The following SCN7A variants were observed in gnomAD, a reference collection of about 807,000 sequenced individuals.
SCN7A encodes the protein sodium voltage-gated channel alpha subunit 7, also known as sodium channel protein type 7 subunit alpha.
SCN7A carries 138 observed loss-of-function variants against 155.2 expected under a neutral mutation model. The ratio of observed to expected loss-of-function variants is 0.89; its 90% CI spans 0.77 to 1.02. SCN7A has a LOEUF of 1.02. Ranked by LOEUF, SCN7A falls within the 50% of genes least tolerant of loss-of-function variation. The probability of loss-of-function intolerance (pLI) is 0.00; values close to 1 mark genes in which losing one functional copy is unlikely to be tolerated. For missense variants in SCN7A, 2,058 were observed against 1,986.6 expected (o/e 1.04, Z -0.68); for synonymous variants, 693 against 649.0 (o/e 1.07, Z -1.03).
chr2:166,408,654 C>A (rs773926666), intron 25 of SCN7A, among the ~76,000 whole-genome samples: 6 of 151,836 alleles, frequency 4.0e-5, no homozygotes, highest in Non-Finnish European at 5.9e-5. Flanking sequence ...AAGCTTCTTA[C>A]GGTTTTTTTC....
intron 7 of SCN7A, among the ~76,000 whole-genome samples, chr2:166,468,556 G>A (rs191390048): frequency 2.6e-5 from 4 of 152,110 alleles, no homozygotes; most frequent in Admixed American, 2.6e-4. Context: ...TGTAATATTT[G>A]CATTCTGTTT....
At chr2:166,410,497 T>C (rs982754230) in intron 23 of SCN7A, among the ~76,000 whole-genome samples, 173 bp from the exon 24 acceptor site, 1 of 152,022 alleles carries the variant, frequency 6.6e-6, no homozygotes, top group African/African-American at 2.4e-5. Context: ...CAAAAATCCA[T>C]AAAAAGCACA....
chr2:166,467,708 C>T (rs920292522), intron 7 of SCN7A, among the ~76,000 whole-genome samples: 4 of 151,594 alleles, frequency 2.6e-5, no homozygotes, highest in African/African-American at 9.7e-5. Flanking sequence ...CAATTTCGAT[C>T]TTAATTTTCT....
rs780426768 is a variant in SCN7A, at chr2:166,409,896, G to A, written c.3751C>T (p.Gln1251Ter). Residue 1251 changes from glutamine to a stop codon, truncating the protein, a stop_gained, in exon 25 of 26, where the codon CAA becomes TAA. Coordinates refer to ENST00000643258, the MANE Select transcript of SCN7A (RefSeq NM_002976.4). LOFTEE classifies it high-confidence loss of function. ...QGFIFDVVTS[Q>*]AFNVIVMVLI... Reference sequence around the variant, plus strand: ...ACCATAACAATGACATTAAAAGCTTGGCTTGTTACCACATCAAAGATGAAT... The same window carrying A: ...ACCATAACAATGACATTAAAAGCTTAGCTTGTTACCACATCAAAGATGAAT... 2.5e-6 allele frequency: 4 copies of A among 1,569,250 alleles called. No homozygotes were observed. The highest frequency in any genetic ancestry group is 2.7e-5 in the African/African-American group (2 of 73,766).
At chr2:166,447,284 A>G (rs1419341103) in intron 12 of SCN7A, among the ~76,000 whole-genome samples, 1 of 152,202 alleles carries the variant, frequency 6.6e-6, no homozygotes, top group African/African-American at 2.4e-5. Context: ...TATTGGTTAC[A>G]CATAAAAATA....
chr2:166,459,895 A>G (rs1209102320), intron 10 of SCN7A, among the ~76,000 whole-genome samples: 3 of 152,154 alleles, frequency 2.0e-5, no homozygotes, highest in Admixed American at 6.5e-5. Context: ...CAAACACCAC[A>G]TATTCTCACT....
At chr2:166,461,043 ATTTTC>A (rs1362941288) in intron 10 of SCN7A, among the ~76,000 whole-genome samples, 5 of 112,330 alleles carry the variant, frequency 4.5e-5, no homozygotes, top group African/African-American at 1.7e-4. Context: ...CACTTGTAAT[ATTTTC>A]TTTTTTTTTT....
At chr2:166,418,006 A>G (rs899014597) in intron 20 of SCN7A, among the ~76,000 whole-genome samples, 7 of 151,826 alleles carry the variant, frequency 4.6e-5, no homozygotes, top group African/African-American at 1.7e-4. Context: ...TTGTATTCTT[A>G]TTACTCCACT....
intron 11 of SCN7A, among the ~76,000 whole-genome samples, chr2:166,448,123 C>T (rs1274587438): frequency 6.6e-6 from 1 of 152,052 alleles, no homozygotes; most frequent in Non-Finnish European, 1.5e-5. Context: ...CATACATACC[C>T]TTTGCAGGCT....
Position 166,432,648 on chromosome 2 carries a change from T to G in SCN7A, c.2262A>C (p.Arg754Ser). 1 of 1,610,460 alleles carries G rather than the reference T, an allele frequency of 6.2e-7. No homozygotes were observed. Among genetic ancestry groups the G allele is most frequent in the Non-Finnish European group, 8.5e-7 (1 of 1,178,976 alleles). ...GCACATAGTTTATTCCTTTTTTAAT[T>G]CTTGCCACTGCAAGCTGGAGATTTT... is the stretch of plus-strand genomic sequence containing the variant. ...EAKNLQLAVA[R>S]IKKGINYVLL... Residue 754 changes from arginine (R) to serine (S), a missense_variant, in exon 16 of 26, where the codon AGA (arginine) becomes AGC (serine). Coordinates refer to ENST00000643258, the MANE Select transcript of SCN7A (RefSeq NM_002976.4).
Position 166,407,803 on chromosome 2 carries a change from T to G in SCN7A, c.3983-1157A>C, listed in dbSNP as rs1260167089. Among the ~76,000 whole-genome samples the G allele has an allele frequency of 2.0e-5, 3 of 152,074 alleles. No individual in the cohort carries two copies. In the East Asian group the frequency reaches 5.8e-4, roughly 30 times the overall value. The stretch of plus-strand genomic sequence containing the variant: ...ACATGTGCAGAACATGCAGGTTTGT[T>G]ACACAGGTATACATGTGCCATGGTG... On this transcript the variant is annotated intron_variant, in intron 25 of 25. Transcript: ENST00000643258.
chr2:166,472,196 G>T, intron 6 of SCN7A, 121 bp downstream of exon 6: 10 of 891,724 alleles, frequency 1.1e-5, no homozygotes, highest in South Asian at 1.9e-5. Context: ...CCATAACTTT[G>T]AAGTATTCTT....
intron 7 of SCN7A, among the ~76,000 whole-genome samples, chr2:166,466,320 G>T (rs1174931678): frequency 6.6e-6 from 1 of 152,152 alleles, no homozygotes; most frequent in East Asian, 1.9e-4. Flanking sequence ...ATAAAGAAAA[G>T]TGTAAGGTTA....
rs758045419 is a variant in SCN7A, at chr2:166,474,276, C to A, written c.303G>T (p.Leu101Phe). 1 of 1,524,508 alleles carries A rather than the reference C, an allele frequency of 6.6e-7. No homozygotes were observed. The highest frequency in any genetic ancestry group is 2.5e-5 in the East Asian group (1 of 40,054). 94.4% of individuals were successfully genotyped at this position (1,524,508 alleles called of 1,614,324 possible). A position where few individuals can be genotyped will look rare whatever the true frequency, so the allele number is the denominator to read the frequency against. ...TTCTTCTAATACAATTGAAAGGAGA[C>A]AATGTACACAAGATGGAAGCCGCAT... ...RFNAASILCT[L>F]SPFNCIRRTT... The change falls in exon 4 of 26, where the codon TTG becomes TTT. Residue 101 changes from leucine to phenylalanine, a missense_variant. Transcript: ENST00000643258.
At chr2:166,462,328 A>C (rs866393457) in intron 10 of SCN7A, 61 bp downstream of exon 10, 2 of 1,479,666 alleles carry the variant, frequency 1.4e-6, no homozygotes, top group Middle Eastern at 1.8e-4. Context: ...TTTGACCATT[A>C]TCTTAGAAGC....
rs773223940 is a variant in SCN7A at position 166,465,485 on chromosome 2, A to G, written c.918T>C (p.Leu306=). Residue 306 remains leucine (L), a synonymous_variant, in exon 9 of 26, where the codon CTT becomes CTC. Coordinates refer to ENST00000643258, the MANE Select transcript of SCN7A (RefSeq NM_002976.4). ...ACCCAGCATCTGTCCTGTTGCCACA[A>G]AGGAGAGCATATCTTTCTCCTTCCA... The part of the protein sequence containing the change: ...YYLEGERYAL[L]CGNRTDAGQC... 21 of 1,610,234 alleles carry G rather than the reference A, an allele frequency of 1.3e-5. No individual in the cohort carries two copies. In the East Asian group the frequency reaches 4.2e-4, roughly 32 times the overall value.
rs1701959299 is a variant in SCN7A at position 166,441,517 on chromosome 2, A to C, written c.2036T>G (p.Leu679Arg). 1.9e-6 allele frequency: 3 copies of C among 1,613,994 alleles called. No individual in the cohort carries two copies. Among genetic ancestry groups the C allele is most frequent in the South Asian group, 2.2e-5 (2 of 91,084 alleles). ...WHMHDFFHSF[L>R]NVFRILCGEW... ...TCCACAGAGAATTCGGAACACATTC[A>C]GGAAGGAGTGGAAAAAGTCATGCAT... The change falls in exon 15 of 26, where the codon CTG becomes CGG. Residue 679 changes from leucine to arginine, a missense_variant. Transcript: ENST00000643258.
In SCN7A at chr2:166,412,613, T is replaced by G; in HGVS notation, c.3523A>C (p.Asn1175His). Reference protein sequence around the residue: ...VNIYMYCYFINFIIFGVFLPL... With the variant: ...VNIYMYCYFIHFIIFGVFLPL... ...AGAAATACTCCAAATATAATAAAGT[T>G]GATAAAGTAACAATACATGTAGATG... Residue 1175 changes from asparagine to histidine, a missense_variant, in exon 23 of 26, where the codon AAC becomes CAC. Physicochemically the swap from Asn to His is moderately conservative, Grantham distance 68. Coordinates refer to ENST00000643258, the MANE Select transcript of SCN7A (RefSeq NM_002976.4). 1.3e-6 allele frequency: 2 copies of G among 1,523,912 alleles called. No homozygotes were observed. The highest frequency in any genetic ancestry group is 2.6e-5 in the South Asian group (2 of 75,682). The allele number at this position is 1,523,912 out of a possible 1,614,324, so 94.4% of individuals were successfully genotyped here.
intron 9 of SCN7A, among the ~76,000 whole-genome samples, chr2:166,464,138 GAA>G (rs1559118918): frequency 6.7e-6 from 1 of 148,814 alleles, no homozygotes; most frequent in Non-Finnish European, 1.5e-5. Flanking sequence ...GTATATATAC[GAA>G]TATATACACA....
Sources: allele counts gnomAD v4.1 joint callset (sites outside exome capture counted in the v4.1 genomes callset), GRCh38; gene constraint gnomAD v4.1.1; transcripts MANE v1.5; gene names NCBI Gene and HGNC (gene_info 2026-07-23, HGNC 2026-07-21).